Variants in VWF observed in about 807,000 individuals in gnomAD.
VWF encodes Factor VIII related antigen.
A neutral mutation model predicts 308.6 loss-of-function variants in VWF; 176 were observed. That is an observed-to-expected ratio of 0.57 (90% CI 0.50 to 0.65). VWF has a LOEUF of 0.65. Among genes scored for constraint, VWF ranks in the 30% least tolerant of loss-of-function variants. The pLI, the probability that VWF is intolerant of heterozygous loss-of-function variation, is 0.00. For synonymous variants in VWF, 1,385 were observed against 1,443.4 expected, an observed-to-expected ratio of 0.96 and a Z score of 0.92; for missense variants, 3,146 against 3,648.2, an observed-to-expected ratio of 0.86 and a Z score of 3.55.
intron 5 of VWF, among the ~76,000 whole-genome samples, chr12:6,098,569 G>C (rs1455800370): frequency 2.0e-5 from 3 of 151,510 alleles, no homozygotes; most frequent in Non-Finnish European, 4.4e-5. Flanking sequence ...ACGAGGTCGG[G>C]AGATCGAGAC....
chr12:5,950,216 C>T (rs1943169569), intron 50 of VWF, among the ~76,000 whole-genome samples: 1 of 152,116 alleles, frequency 6.6e-6, no homozygotes, highest in African/African-American at 2.4e-5. Flanking sequence ...TAAAGCAACC[C>T]TCTTGTGCTT....
At chr12:6,111,784 A>G (rs1474353267) in intron 3 of VWF, among the ~76,000 whole-genome samples, 1 of 151,886 alleles carries the variant, frequency 6.6e-6, no homozygotes, top group African/African-American at 2.4e-5. Context: ...CCCCGTCTCT[A>G]CTAAAAATAT....
rs71581026 is a variant in VWF at position 5,976,068 on chromosome 12, C to T, written c.7437+43G>A. On this transcript the variant is annotated intron_variant, in intron 43 of 51. Coordinates refer to ENST00000261405, the MANE Select transcript of VWF (RefSeq NM_000552.5). ...CCTAAGATGCCCTCCTCTACTTTCC[C>T]GCTCTGATAGCTGCAGGCATGCCCA... 1.9e-4 allele frequency: 306 copies of T among 1,612,544 alleles called. No individual in the cohort carries two copies. The South Asian group carries it at 2.6e-3, about 14-fold the overall frequency.
In VWF at chr12:6,110,846, C is replaced by T. The variant is rs772398995; in HGVS notation, c.323+20G>A. ...AGGGGATCCCTAGGGTCCTTTCTAA[C>T]TCAGACATTGTTGGCTTACCTTTGG... On this transcript the variant is annotated intron_variant, in intron 4 of 51. Transcript: ENST00000261405. 1 of 1,612,088 alleles carries T rather than the reference C, an allele frequency of 6.2e-7. No homozygotes were observed. Among genetic ancestry groups the T allele is most frequent in the Non-Finnish European group, 8.5e-7 (1 of 1,178,170 alleles).
At chr12:6,055,555 C>G (rs1257010324) in intron 15 of VWF, among the ~76,000 whole-genome samples, 1 of 152,086 alleles carries the variant, frequency 6.6e-6, no homozygotes, top group Non-Finnish European at 1.5e-5. Flanking sequence ...GTGCTCGTCC[C>G]TTTCGTCCTT....
chr12:6,120,477 A>AC (rs1945417198), intron 3 of VWF, among the ~76,000 whole-genome samples: 1 of 151,792 alleles, frequency 6.6e-6, no homozygotes, highest in African/African-American at 2.4e-5. Context: ...TAATTTTTGT[A>AC]TTTTTAGTAG....
chr12:6,092,664 T>C (rs942392930), intron 6 of VWF, among the ~76,000 whole-genome samples: 1 of 141,776 alleles, frequency 7.1e-6, no homozygotes, highest in East Asian at 2.1e-4. Context: ...TGTGTGTGTG[T>C]GTGTGTGTGC....
intron 6 of VWF, among the ~76,000 whole-genome samples, chr12:6,085,863 G>A (rs145696816): frequency 2.0e-5 from 3 of 152,172 alleles, no homozygotes; most frequent in East Asian, 1.9e-4. Flanking sequence ...AAACCTGCAC[G>A]TTCAGCACAT....
rs267607349 is a variant in VWF, at chr12:6,018,701, C to T, written c.4717G>A (p.Gly1573Ser). 1.1e-5 allele frequency: 18 copies of T among 1,613,594 alleles called. No homozygotes were observed. Among genetic ancestry groups the T allele is most frequent in the Middle Eastern group, 1.7e-4 (1 of 6,048 alleles). Residue 1573 changes from glycine to serine, a missense_variant, in exon 28 of 52, where the codon GGC becomes AGC. Transcript: ENST00000261405. The part of the protein sequence containing the change: ...QRVREIRYQG[G>S]NRTNTGLALR... Reference sequence around the variant, plus strand: ...GCCAGCCCAGTGTTGGTCCTGTTGCCGCCCTGGTAGCGGATCTCTCGCACC... The same window carrying T: ...GCCAGCCCAGTGTTGGTCCTGTTGCTGCCCTGGTAGCGGATCTCTCGCACC...
chr12:6,103,457 TGTATATACAC>T (rs1190751561), intron 5 of VWF, among the ~76,000 whole-genome samples: 17 of 85,186 alleles, frequency 2.0e-4, no homozygotes, highest in African/African-American at 7.4e-4. Flanking sequence ...CACATATATG[TGTATATACAC>T]ATATGTGTGT....
rs913027332 is a variant in VWF, at chr12:6,001,710, T to C, written c.5843-5488A>G. 2.0e-5 allele frequency among the ~76,000 whole-genome samples: 3 copies of C among 152,258 alleles called. No individual in the cohort carries two copies. In the South Asian group the frequency reaches 6.2e-4, roughly 32 times the overall value. ...AATGGGGAAAAGGTAAGTAAGACTA[T>C]AGAAGACAAACATTAAAATCAAAAT... is the stretch of plus-strand genomic sequence containing the variant. On this transcript the variant is annotated intron_variant, in intron 34 of 51. Transcript: ENST00000261405.
Position 6,059,787 on chromosome 12 carries a change from GTGTT to G in VWF, c.1534-1747_1534-1744del, listed in dbSNP as rs201332672. Among the ~76,000 whole-genome samples the G allele has an allele frequency of 2.0e-5, 3 of 152,354 alleles. No individual in the cohort carries two copies. In the East Asian group the frequency reaches 5.8e-4, roughly 29 times the overall value. Reference sequence around the variant, plus strand: ...AGCAGTGCCAGCAGACACTCAGTAAGTGTTTGTTGAATGAATGAATCGTTGAACA... The same window carrying G: ...AGCAGTGCCAGCAGACACTCAGTAAGTGTTGAATGAATGAATCGTTGAACA... On this transcript the variant is annotated intron_variant, in intron 13 of 51. Transcript: ENST00000261405.
chr12:6,101,001 T>C (rs1218607644), intron 5 of VWF, among the ~76,000 whole-genome samples: 1 of 152,128 alleles, frequency 6.6e-6, no homozygotes, highest in East Asian at 1.9e-4. Context: ...AAATTATTGT[T>C]GTAAAGAAGA....
chr12:5,983,794 G>GAGATAGATAAGATAGATAGATAGATAGAT lies in VWF; in HGVS notation c.6977-541_6977-540insATCTATCTATCTATCTATCTTATCTATCT, dbSNP rs1555191850. ...ATAGGATAGATAACTAGATACAATAGAGATAGATAGATAGATAGATAGATG... is the reference window on the plus strand; with the variant it reads ...ATAGGATAGATAACTAGATACAATAGAGATAGATAAGATAGATAGATAGATAGATAGATAGATAGATAGATAGATAGATG... On this transcript the variant is annotated intron_variant, in intron 40 of 51. Coordinates refer to ENST00000261405, the MANE Select transcript of VWF (RefSeq NM_000552.5). Among the ~76,000 whole-genome samples the GAGATAGATAAGATAGATAGATAGATAGAT allele has an allele frequency of 3.4e-5, 5 of 148,780 alleles. No homozygotes were observed. The East Asian group carries it at 8.3e-4, about 25-fold the overall frequency.
chr12:5,985,713 G>A (rs746771555), intron 38 of VWF, 48 bp from the exon 39 acceptor site: 70 of 1,566,564 alleles, frequency 4.5e-5, no homozygotes, highest in East Asian at 1.8e-4. Flanking sequence ...TTCTAGGTAC[G>A]AAGCCCAGAA....
chr12:5,991,671 A>T, intron 38 of VWF, 148 bp downstream of exon 38: 1 of 812,006 alleles, frequency 1.2e-6, no homozygotes, highest in Non-Finnish European at 2.1e-6. Context: ...CAAGGCCATT[A>T]CACAATACTG....
In VWF at chr12:5,976,175, T is replaced by A; in HGVS notation, c.7373A>T (p.Asp2458Val). 6.2e-7 allele frequency: 1 copy of A among 1,614,104 alleles called. No homozygotes were observed. Among genetic ancestry groups the A allele is most frequent in the Non-Finnish European group, 8.5e-7 (1 of 1,180,042 alleles). The change falls in exon 43 of 52, where the codon GAT becomes GTT. Residue 2458 changes from aspartate (D) to valine (V), a missense_variant. Asp to Val is a radical substitution (Grantham distance 152). This residue lies in a region of VWF where 989 missense variants were observed against 1,117.4 expected (regional missense o/e 0.89). Coordinates refer to ENST00000261405, the MANE Select transcript of VWF (RefSeq NM_000552.5). ...CDVCTCTDME[D>V]AVMGLRVAQC... is the part of the protein sequence containing the mutation. ...GGCCACGCGGAGGCCCATCACGGCA[T>A]CCTCCATGTCGGTGCAGGTGCACAC...
At chr12:5,985,725 TCA>T (rs949011713) in intron 38 of VWF, 60 bp from the exon 39 acceptor site, 3 of 1,511,286 alleles carry the variant, frequency 2.0e-6, no homozygotes, top group Admixed American at 1.8e-5. Flanking sequence ...AGCCCAGAAT[TCA>T]CAGAGGTCAG....
chr12:6,021,698 C>G (rs1329699329), intron 27 of VWF: 4 of 640,202 alleles, frequency 6.2e-6, no homozygotes, highest in Non-Finnish European at 1.0e-5. Context: ...CTAGTCCATC[C>G]CTAAAGAAAA....
Sources: allele counts gnomAD v4.1 joint callset (sites outside exome capture counted in the v4.1 genomes callset), GRCh38; gene constraint gnomAD v4.1.1; regional missense constraint gnomAD v4.1.1; transcripts MANE v1.5; gene names NCBI Gene and HGNC (gene_info 2026-07-23, HGNC 2026-07-21).